LHFPL3: variants seen among roughly 807,000 people sequenced by gnomAD.
LHFPL3 encodes LHFPL tetraspan subfamily member 3 protein.
LHFPL3 carries 5 observed loss-of-function variants against 19.3 expected under a neutral mutation model. The observed-to-expected ratio is 0.26, with a 90% CI of 0.14 to 0.54. The LOEUF is 0.54. LHFPL3 is among the 20% of genes least tolerant of loss of function. The pLI is 0.94. For synonymous variants in LHFPL3, 133 were observed against 126.2 expected (o/e 1.05, Z -0.36); for missense variants, 249 against 307.4 (o/e 0.81, Z 1.42).
intron 1 of LHFPL3, among the ~76,000 whole-genome samples, chr7:104,515,035 C>T (rs1001449441): frequency 1.3e-5 from 2 of 152,164 alleles, no homozygotes; most frequent in African/African-American, 4.8e-5. Flanking sequence ...TGTCCTACTT[C>T]TTTCACTTTT....
At chr7:104,612,398 G>A (rs1171802999) in intron 1 of LHFPL3, among the ~76,000 whole-genome samples, 2 of 152,106 alleles carry the variant, frequency 1.3e-5, no homozygotes, top group Non-Finnish European at 2.9e-5. Context: ...TGGGTGGATG[G>A]ATGGAGGGAT....
chr7:104,724,211 A>G (rs987291569), intron 1 of LHFPL3, among the ~76,000 whole-genome samples: 1 of 152,202 alleles, frequency 6.6e-6, no homozygotes, highest in South Asian at 2.1e-4. Flanking sequence ...ACAGCACTCA[A>G]GCATTAATGT....
At chr7:104,647,717 C>T (rs963176146) in intron 1 of LHFPL3, among the ~76,000 whole-genome samples, 7 of 152,178 alleles carry the variant, frequency 4.6e-5, no homozygotes, top group Admixed American at 3.9e-4. Context: ...TTCTCCATTT[C>T]CTCACAGTCA....
intron 1 of LHFPL3, among the ~76,000 whole-genome samples, chr7:104,614,645 T>C (rs528836041): frequency 1.7e-3 from 223 of 129,586 alleles, no homozygotes; most frequent in South Asian, 5.3e-3. Context: ...TCTCTTCTCT[T>C]CTCTTCTCTC....
intron 1 of LHFPL3, among the ~76,000 whole-genome samples, chr7:104,487,579 C>T (rs929056651): frequency 6.6e-6 from 1 of 152,186 alleles, no homozygotes; most frequent in African/African-American, 2.4e-5. Context: ...CATGCAGACA[C>T]GAGGAGAATG....
intron 1 of LHFPL3, among the ~76,000 whole-genome samples, chr7:104,429,227 C>T (rs969692280): frequency 6.6e-6 from 1 of 151,002 alleles, no homozygotes; most frequent in Non-Finnish European, 1.5e-5. Flanking sequence ...ATAAAAAATA[C>T]CAGAGCGTAG....
intron 1 of LHFPL3, chr7:104,622,949 T>C: frequency 3.2e-6 from 1 of 315,462 alleles, no homozygotes; most frequent in Non-Finnish European, 6.5e-6. Flanking sequence ...GTTCCAGGTT[T>C]TATTTTTATC....
At chr7:104,581,453 G>C (rs1790459926) in intron 1 of LHFPL3, among the ~76,000 whole-genome samples, 1 of 151,810 alleles carries the variant, frequency 6.6e-6, no homozygotes, top group Non-Finnish European at 1.5e-5. Flanking sequence ...TTATATGACT[G>C]GCCTCTTTAT....
chr7:104,776,769 G>A (rs1280887266), intron 2 of LHFPL3, among the ~76,000 whole-genome samples: 3 of 152,132 alleles, frequency 2.0e-5, no homozygotes, highest in Non-Finnish European at 4.4e-5. Flanking sequence ...TTTACAACAC[G>A]CAGGATGTGA....
intron 2 of LHFPL3, among the ~76,000 whole-genome samples, chr7:104,863,870 T>C (rs911119760): frequency 1.3e-5 from 2 of 152,204 alleles, no homozygotes; most frequent in African/African-American, 2.4e-5. Flanking sequence ...CTGGGATCAG[T>C]TGTTCACAGT....
chr7:104,469,642 G>GA (rs1328492060), intron 1 of LHFPL3, among the ~76,000 whole-genome samples: 1 of 152,096 alleles, frequency 6.6e-6, no homozygotes, highest in African/African-American at 2.4e-5. Flanking sequence ...AGCCCTGGGG[G>GA]ATTTCCAGGA....
At chr7:104,365,315 T>TA (rs1004152877) in intron 1 of LHFPL3, among the ~76,000 whole-genome samples, 1 of 151,094 alleles carries the variant, frequency 6.6e-6, no homozygotes, top group African/African-American at 2.4e-5. Context: ...AAATAAAAAA[T>TA]AAAAAAATAA....
chr7:104,729,840 C>A (rs979145573), intron 1 of LHFPL3, among the ~76,000 whole-genome samples: 3 of 152,076 alleles, frequency 2.0e-5, no homozygotes, highest in Non-Finnish European at 2.9e-5. Flanking sequence ...TGGTGTGCTG[C>A]ACCCATTAAC....
At chr7:104,792,055 T>C (rs1199559166) in intron 2 of LHFPL3, among the ~76,000 whole-genome samples, 1 of 152,170 alleles carries the variant, frequency 6.6e-6, no homozygotes, top group African/African-American at 2.4e-5. Context: ...ATACTGGTGA[T>C]GAAAGAAAAG....
chr7:104,379,865 A>C (rs542199839), intron 1 of LHFPL3, among the ~76,000 whole-genome samples: 6 of 152,330 alleles, frequency 3.9e-5, no homozygotes, highest in Non-Finnish European at 7.3e-5. Context: ...AGTGTTGCAC[A>C]AACTTGTGCT....
chr7:104,397,484 C>T (rs1417092897), intron 1 of LHFPL3, among the ~76,000 whole-genome samples: 3 of 152,094 alleles, frequency 2.0e-5, no homozygotes, highest in South Asian at 2.1e-4. Context: ...CATGGTTCAT[C>T]GTTGTGGAGA....
intron 1 of LHFPL3, among the ~76,000 whole-genome samples, chr7:104,605,175 A>C (rs1380765163): frequency 6.6e-6 from 1 of 152,202 alleles, no homozygotes; most frequent in African/African-American, 2.4e-5. Flanking sequence ...TACACTATCA[A>C]ATAAAGTTGT....
chr7:104,779,836 T>A (rs1452617719), intron 2 of LHFPL3, among the ~76,000 whole-genome samples: 2 of 152,256 alleles, frequency 1.3e-5, no homozygotes, highest in African/African-American at 4.8e-5. Context: ...GTGGTTGATC[T>A]GCAAGACTCC....
At chr7:104,373,325 A>C (rs149994538) in intron 1 of LHFPL3, among the ~76,000 whole-genome samples, 3 of 152,348 alleles carry the variant, frequency 2.0e-5, no homozygotes, top group Non-Finnish European at 2.9e-5. Context: ...CATTTCAAGA[A>C]AAATTGTGAA....
Sources: allele counts gnomAD v4.1 joint callset (sites outside exome capture counted in the v4.1 genomes callset), GRCh38; gene constraint gnomAD v4.1.1; transcripts MANE v1.5; gene names NCBI Gene and HGNC (gene_info 2026-07-23, HGNC 2026-07-21).